The following COL20A1 variants were observed in gnomAD, a reference collection of about 807,000 sequenced individuals.
The protein encoded by COL20A1 is collagen type XX alpha 1 chain.
Under a neutral mutation model 152.9 loss-of-function variants are expected in COL20A1, and 164 were observed. The ratio of observed to expected loss-of-function variants is 1.07; its 90% CI spans 0.94 to 1.22. The LOEUF is 1.22. Among genes scored for constraint, COL20A1 ranks in the 50% most tolerant of loss-of-function variants. COL20A1 has a pLI of 0.00. For missense variants in COL20A1, 1,873 were observed against 1,744.8 expected, an observed-to-expected ratio of 1.07 and a Z score of -1.31; for synonymous variants, 864 against 756.0, an observed-to-expected ratio of 1.14 and a Z score of -2.34.
rs2067907357 is a variant in COL20A1 at position 63,305,162 on chromosome 20, A to C, written c.194-255A>C. ...CTGAGGGTTGATGGCTTCTCACCTC[A>C]CCATGCGGCGGATTCCTCTAGGGGG... is the stretch of plus-strand genomic sequence containing the variant. On this transcript the variant is annotated intron_variant, in intron 3 of 35. Coordinates refer to ENST00000358894, the MANE Select transcript of COL20A1 (RefSeq NM_020882.4). The surrounding 1 kb of genome is among the most constrained non-coding windows in gnomAD (Gnocchi z 4.9). 1.3e-5 allele frequency among the ~76,000 whole-genome samples: 2 copies of C among 151,944 alleles called. No individual in the cohort carries two copies. The highest frequency in any genetic ancestry group is 4.8e-5 in the African/African-American group (2 of 41,426).
At chr20:63,310,359 G>A (rs375400087) in intron 10 of COL20A1, 22 bp from the exon 11 acceptor site, 19 of 1,609,772 alleles carry the variant, frequency 1.2e-5, no homozygotes, top group African/African-American at 9.4e-5. Flanking sequence ...TCCTGGCTCC[G>A]TCCTTGCCCA....
At chr20:63,314,796 T>C (rs2068062591) in intron 19 of COL20A1, among the ~76,000 whole-genome samples, 1 of 150,926 alleles carries the variant, frequency 6.6e-6, no homozygotes. Flanking sequence ...ACACCAGGCA[T>C]CTCCCTGGCC....
At chr20:63,294,272 G>A (rs1412533648) in intron 1 of COL20A1, among the ~76,000 whole-genome samples, 3 of 150,200 alleles carry the variant, frequency 2.0e-5, no homozygotes, top group Non-Finnish European at 3.0e-5. Context: ...AGCCCTGGGC[G>A]TGGTGGCAGG....
Position 63,307,960 on chromosome 20 carries a change from C to A in COL20A1, c.656-11C>A. On this transcript the variant is annotated splice_polypyrimidine_tract_variant and intron_variant, in intron 6 of 35. Coordinates refer to ENST00000358894, the MANE Select transcript of COL20A1 (RefSeq NM_020882.4). The stretch of plus-strand genomic sequence containing the variant: ...GGAAACTCAGCCCGTGGCCATGCCC[C>A]TGCTCCCCAGGCCTGACTCAGTACA... 1 of 1,611,792 alleles carries A rather than the reference C, an allele frequency of 6.2e-7. No homozygotes were observed. Among genetic ancestry groups the A allele is most frequent in the Non-Finnish European group, 8.5e-7 (1 of 1,179,138 alleles).
chr20:63,320,038 G>A lies in COL20A1; in HGVS notation c.2917-1G>A. ...GGAGAACCTCCCGTGCCGTCTCACAGGTGCACGTGGCTGTGGGCCGCTCCA... is the reference window on the plus strand; with the variant it reads ...GGAGAACCTCCCGTGCCGTCTCACAAGTGCACGTGGCTGTGGGCCGCTCCA... On this transcript the variant is annotated splice_acceptor_variant, in intron 23 of 35. Coordinates refer to ENST00000358894, the MANE Select transcript of COL20A1 (RefSeq NM_020882.4). LOFTEE classifies it high-confidence loss of function. 1.3e-6 allele frequency: 2 copies of A among 1,553,050 alleles called. No homozygotes were observed. Among genetic ancestry groups the A allele is most frequent in the South Asian group, 1.2e-5 (1 of 84,252 alleles).
intron 21 of COL20A1, 145 bp from the exon 22 acceptor site, chr20:63,318,913 G>A (rs2068119088): frequency 1.5e-6 from 1 of 653,416 alleles, no homozygotes; most frequent in Non-Finnish European, 2.7e-6. Flanking sequence ...GCTGGGAAGG[G>A]TGTGCGGGTG....
At position 63,311,551 on chromosome 20, in the gene COL20A1, CG is replaced by C; in HGVS notation, c.1539+18del. ...AGGAGGAGCGAGAGGTGAGCTGGGC[CG>C]GGGGGTGGCGGGGGAGGCAGAGGAG... On this transcript the variant is annotated intron_variant, in intron 12 of 35. Coordinates refer to ENST00000358894, the MANE Select transcript of COL20A1 (RefSeq NM_020882.4). This position sits in a 1 kb window ranked among gnomAD's most constrained non-coding sequence, Gnocchi z 4.4. 7 of 1,597,304 alleles carry C rather than the reference CG, an allele frequency of 4.4e-6. No individual in the cohort carries two copies. Among genetic ancestry groups the C allele is most frequent in the Non-Finnish European group, 6.0e-6 (7 of 1,171,644 alleles).
rs754555846 is a variant in COL20A1 at position 63,307,967 on chromosome 20, C to G, written c.656-4C>G. The G allele has an allele frequency of 5.6e-6, 9 of 1,612,126 alleles. No individual in the cohort carries two copies. The South Asian group carries it at 8.8e-5, about 16-fold the overall frequency. On this transcript the variant is annotated splice_region_variant and splice_polypyrimidine_tract_variant and intron_variant, in intron 6 of 35. Coordinates refer to ENST00000358894, the MANE Select transcript of COL20A1 (RefSeq NM_020882.4). ...CAGCCCGTGGCCATGCCCCTGCTCC[C>G]CAGGCCTGACTCAGTACAGCGGGGA...
chr20:63,322,828 TCCCCGTG>T (rs1238248303), intron 27 of COL20A1, among the ~76,000 whole-genome samples: 7 of 152,184 alleles, frequency 4.6e-5, no homozygotes, highest in Non-Finnish European at 1.0e-4. Context: ...GAGTTCCACA[TCCCCGTG>T]AGCAAAGACG....
rs553952310 is a variant in COL20A1, at chr20:63,321,074, G to A, written c.3215G>A (p.Gly1072Glu). The A allele has an allele frequency of 1.2e-6, 2 of 1,601,418 alleles. No homozygotes were observed. The highest frequency in any genetic ancestry group is 1.3e-5 in the African/African-American group (1 of 74,722). Residue 1072 changes from glycine (G) to glutamate (E), a missense_variant, in exon 26 of 36, where the codon GGG becomes GAG. Transcript: ENST00000358894. ...SACSCSSETP[G>E]PPGPQGPPGL... ...TGTTCCTGTTCCTCAGAGACCCCTG[G>A]GCCCCCAGGACCTCAAGGACCCCCA...
At chr20:63,327,522 G>GC (rs377635520) in intron 31 of COL20A1, 8 of 203,024 alleles carry the variant, frequency 3.9e-5, no homozygotes, top group South Asian at 1.8e-4. Flanking sequence ...AGCTCCATGG[G>GC]CCCCCCCTTA....
At chr20:63,330,139 A>AG (rs2068313147) in intron 35 of COL20A1, among the ~76,000 whole-genome samples, 1 of 152,092 alleles carries the variant, frequency 6.6e-6, no homozygotes, top group African/African-American at 2.4e-5. Flanking sequence ...TAGTAGCACC[A>AG]GGTAACCTCT....
At chr20:63,310,577 C>G in intron 11 of COL20A1, 67 bp downstream of exon 11, 12 of 1,475,188 alleles carry the variant, frequency 8.1e-6, no homozygotes, top group Non-Finnish European at 1.1e-5. Flanking sequence ...TCCCTTGGAG[C>G]CTGACACCCC....
rs2067963887 is a variant in COL20A1 at position 63,308,709 on chromosome 20, G to C, written c.940+3G>C. 1 of 1,592,980 alleles carries C rather than the reference G, an allele frequency of 6.3e-7. No homozygotes were observed. Among genetic ancestry groups the C allele is most frequent in the South Asian group, 1.1e-5 (1 of 88,752 alleles). ...GGGCGTGAACGTCTTCGCTGTGGGTGAGCACCATGCGGCTCCCCCGGCCCT... is the reference window on the plus strand; with the variant it reads ...GGGCGTGAACGTCTTCGCTGTGGGTCAGCACCATGCGGCTCCCCCGGCCCT... On this transcript the variant is annotated splice_donor_region_variant and intron_variant, in intron 8 of 35. Coordinates refer to ENST00000358894, the MANE Select transcript of COL20A1 (RefSeq NM_020882.4).
rs2067922283 is a variant in COL20A1 at position 63,306,078 on chromosome 20, G to A, written c.496+39G>A. 8.5e-6 allele frequency: 13 copies of A among 1,534,896 alleles called. No homozygotes were observed. The highest frequency in any genetic ancestry group is 2.8e-5 in the African/African-American group (2 of 72,256). On this transcript the variant is annotated intron_variant, in intron 5 of 35. Transcript: ENST00000358894. The surrounding 1 kb of genome is among the most constrained non-coding windows in gnomAD (Gnocchi z 6.9). ...GAGAGAGAGTAAGTCTCCGGGGAGG[G>A]AGTGACCTTTGGTTTCCCACATTTC...
chr20:63,312,531 A>T lies in COL20A1; in HGVS notation c.1915A>T (p.Thr639Ser). The T allele has an allele frequency of 6.3e-7, 1 of 1,593,298 alleles. No homozygotes were observed. The highest frequency in any genetic ancestry group is 2.2e-5 in the East Asian group (1 of 44,552). The change falls in exon 15 of 36, where the codon ACT becomes TCT. Residue 639 changes from threonine (T) to serine (S), a missense_variant. Physicochemically the swap from Thr to Ser is moderately conservative, Grantham distance 58. Transcript: ENST00000358894. Reference protein sequence around the residue: ...LYPGGGSSTLTGRVTTKKAPS... With the variant: ...LYPGGGSSTLSGRVTTKKAPS... The stretch of plus-strand genomic sequence containing the variant: ...CCCTGGGGGTGGCTCCTCTACGCTG[A>T]CTGGCCGGGTGACCACCAGTGAGTG...
chr20:63,316,458 C>G, intron 20 of COL20A1, 95 bp from the exon 21 acceptor site: 1 of 1,031,116 alleles, frequency 9.7e-7, no homozygotes, highest in East Asian at 2.9e-5. Flanking sequence ...ACTGCAGCCC[C>G]TGGGTCCCTC....
intron 34 of COL20A1, 95 bp from the exon 35 acceptor site, chr20:63,329,490 C>A: frequency 1.1e-6 from 1 of 937,128 alleles, no homozygotes. Context: ...GCTGCCTGTG[C>A]CCAGGGAGGG....
In COL20A1 at chr20:63,306,059, G is replaced by C. The variant is rs1178138626; in HGVS notation, c.496+20G>C. 6.4e-7 allele frequency: 1 copy of C among 1,573,740 alleles called. No individual in the cohort carries two copies. Among genetic ancestry groups the C allele is most frequent in the South Asian group, 1.2e-5 (1 of 85,278 alleles). On this transcript the variant is annotated intron_variant, in intron 5 of 35. Coordinates refer to ENST00000358894, the MANE Select transcript of COL20A1 (RefSeq NM_020882.4). This position sits in a 1 kb window ranked among gnomAD's most constrained non-coding sequence, Gnocchi z 6.9. ...CTCCTGGTGGGTCAGAGTGGAGAGA[G>C]AGTAAGTCTCCGGGGAGGGAGTGAC...
Sources: allele counts gnomAD v4.1 joint callset (sites outside exome capture counted in the v4.1 genomes callset), GRCh38; gene constraint gnomAD v4.1.1; non-coding constraint Gnocchi (gnomAD v3.1); transcripts MANE v1.5; gene names NCBI Gene and HGNC (gene_info 2026-07-23, HGNC 2026-07-21).